Variants in TLE1 observed in about 807,000 individuals in gnomAD.
TLE1 encodes TLE family member 1, transcriptional corepressor, also known as transducin-like enhancer protein 1.
TLE1 carries 21 observed loss-of-function variants against 89.8 expected under a neutral mutation model. The observed-to-expected ratio is 0.23, with a 90% CI of 0.17 to 0.34. The LOEUF is 0.34. Ranked by LOEUF, TLE1 falls within the 10% of genes least tolerant of loss-of-function variation. The probability of loss-of-function intolerance (pLI) is 1.00; values close to 1 mark genes in which losing one functional copy is unlikely to be tolerated. For missense variants in TLE1, 795 were observed against 1,031.2 expected, an observed-to-expected ratio of 0.77 and a Z score of 3.14; for synonymous variants, 447 against 407.6, an observed-to-expected ratio of 1.10 and a Z score of -1.16.
chr9:81,634,478 GA>G (rs5898752), intron 6 of TLE1, among the ~76,000 whole-genome samples, 177 bp from the exon 7 acceptor site: 27,680 of 151,540 alleles, frequency 0.18, 3,136 homozygotes, highest in East Asian at 0.46. Flanking sequence ...GAGGAAAGGG[GA>G]AAAAATGCGA....
intron 4 of TLE1, among the ~76,000 whole-genome samples, chr9:81,683,873 T>G (rs1349016683): frequency 1.3e-5 from 2 of 152,154 alleles, no homozygotes; most frequent in Non-Finnish European, 2.9e-5. Context: ...CACACCATGG[T>G]GCTTCTGACC....
intron 17 of TLE1, among the ~76,000 whole-genome samples, chr9:81,586,609 C>T (rs927480207): frequency 7.2e-5 from 11 of 152,160 alleles, no homozygotes; most frequent in Non-Finnish European, 1.3e-4. Flanking sequence ...TGATATGCTG[C>T]TAGAGTTTAT....
At chr9:81,669,618 C>A (rs963466032) in intron 4 of TLE1, among the ~76,000 whole-genome samples, 2 of 152,130 alleles carry the variant, frequency 1.3e-5, no homozygotes, top group African/African-American at 4.8e-5. Flanking sequence ...ACCCTCCCCC[C>A]CCACACCAAA....
At chr9:81,643,604 A>C (rs1390742124) in intron 6 of TLE1, among the ~76,000 whole-genome samples, 1 of 150,730 alleles carries the variant, frequency 6.6e-6, no homozygotes, top group Non-Finnish European at 1.5e-5. Context: ...GCATGATTTT[A>C]TCTCATTGCA....
Position 81,685,835 on chromosome 9 carries a change from T to C in TLE1, c.187A>G (p.Met63Val), listed in dbSNP as rs1834200569. The C allele has an allele frequency of 1.6e-5, 26 of 1,613,988 alleles. No individual in the cohort carries two copies. The highest frequency in any genetic ancestry group is 2.1e-5 in the Non-Finnish European group (25 of 1,180,008). The part of the protein sequence containing the change: ...EKTEMQRHYV[M>V]YYEMSYGLNI... The stretch of plus-strand genomic sequence containing the variant: ...AAAGTCCAATCTTTGATACCTACCA[T>C]CACATAGTGCCTCTGCATTTCTGTC... Residue 63 changes from methionine (M) to valine (V), a missense_variant and splice_region_variant, in exon 3 of 20, where the codon ATG (methionine) becomes GTG (valine). Transcript: ENST00000376499.
chr9:81,590,280 G>A (rs942423186), intron 16 of TLE1, among the ~76,000 whole-genome samples: 2 of 152,224 alleles, frequency 1.3e-5, no homozygotes, highest in Non-Finnish European at 2.9e-5. Flanking sequence ...AGGCCAGGCA[G>A]AGCCCTGCGG....
intron 4 of TLE1, among the ~76,000 whole-genome samples, chr9:81,671,301 C>G (rs1472289392): frequency 1.3e-5 from 2 of 152,010 alleles, no homozygotes; most frequent in Non-Finnish European, 2.9e-5. Context: ...ATTGCTTGAG[C>G]CCTGGAGTTC....
chr9:81,678,643 C>T (rs555185634), intron 4 of TLE1, among the ~76,000 whole-genome samples: 5 of 152,102 alleles, frequency 3.3e-5, no homozygotes, highest in Non-Finnish European at 5.9e-5. Flanking sequence ...GGCAAAACTC[C>T]GTCTATACTA....
chr9:81,617,825 A>G (rs769286245), intron 9 of TLE1, among the ~76,000 whole-genome samples: 6 of 152,324 alleles, frequency 3.9e-5, no homozygotes, highest in Non-Finnish European at 8.8e-5. Flanking sequence ...GGAGCTCGAG[A>G]CCAGCCTGGA....
At chr9:81,599,670 G>A (rs528845413) in intron 14 of TLE1, among the ~76,000 whole-genome samples, 1 of 151,924 alleles carries the variant, frequency 6.6e-6, no homozygotes, top group South Asian at 2.1e-4. Flanking sequence ...TTTTTTTAAG[G>A]GTCTGCACAT....
chr9:81,589,120 A>G (rs977702003), intron 16 of TLE1, among the ~76,000 whole-genome samples: 1 of 151,826 alleles, frequency 6.6e-6, no homozygotes, highest in Non-Finnish European at 1.5e-5. Context: ...CCCACAGAAC[A>G]CCCAGGCCTG....
At chr9:81,617,117 G>T (rs576917667) in intron 9 of TLE1, among the ~76,000 whole-genome samples, 29 of 137,254 alleles carry the variant, frequency 2.1e-4, no homozygotes, top group African/African-American at 5.3e-4. Context: ...TTTTCCCATG[G>T]GATTACTAGT....
chr9:81,682,526 CAT>C (rs556407379), intron 4 of TLE1, among the ~76,000 whole-genome samples: 127 of 152,302 alleles, frequency 8.3e-4, no homozygotes, highest in African/African-American at 2.9e-3. Context: ...GAAAAGATAA[CAT>C]GAGTGGGCTA....
chr9:81,664,680 T>G (rs891610994), intron 4 of TLE1, among the ~76,000 whole-genome samples: 1 of 151,288 alleles, frequency 6.6e-6, no homozygotes, highest in African/African-American at 2.4e-5. Context: ...CTGGGCAACA[T>G]AGGGAAACTC....
chr9:81,625,099 T>C (rs906132272), intron 8 of TLE1, among the ~76,000 whole-genome samples: 1 of 152,090 alleles, frequency 6.6e-6, no homozygotes, highest in African/African-American at 2.4e-5. Flanking sequence ...AACTTTTATA[T>C]AGAAAGTACT....
At chr9:81,644,038 C>T (rs1013086086) in intron 6 of TLE1, among the ~76,000 whole-genome samples, 3 of 152,098 alleles carry the variant, frequency 2.0e-5, no homozygotes, top group South Asian at 2.1e-4. Context: ...AAATCAAAAA[C>T]GGGAGATGCG....
At chr9:81,667,586 A>G (rs1036167260) in intron 4 of TLE1, among the ~76,000 whole-genome samples, 4 of 152,016 alleles carry the variant, frequency 2.6e-5, no homozygotes, top group African/African-American at 9.7e-5. Flanking sequence ...AGCTCTCTAC[A>G]AGGAGATCTA....
chr9:81,632,183 T>C (rs1826721154), intron 8 of TLE1, among the ~76,000 whole-genome samples: 1 of 152,178 alleles, frequency 6.6e-6, no homozygotes, highest in East Asian at 1.9e-4. Context: ...CTGTACTCTG[T>C]GTGTAGAATA....
Position 81,632,474 on chromosome 9 carries a change from CCTTT to C in TLE1, c.594+870_594+873del, listed in dbSNP as rs1430327167. ...TTATCAGATTTAAATGTTCAGTATC[CCTTT>C]TTTTTTTTTTTTTTTTTTACCATAT... On this transcript the variant is annotated intron_variant, in intron 8 of 19. Coordinates refer to ENST00000376499, the MANE Select transcript of TLE1 (RefSeq NM_005077.5). Among the ~76,000 whole-genome samples the C allele has an allele frequency of 4.4e-3, 325 of 73,396 alleles. 2 individuals carry two copies. Among genetic ancestry groups the C allele is most frequent in the East Asian group, 0.016 (45 of 2,880 alleles). The allele number at this position is 73,396 out of a possible 152,430, so 48.2% of individuals were successfully genotyped here.
Sources: gnomAD v4.1 joint callset for allele counts (sites outside exome capture counted in the v4.1 genomes callset) on GRCh38, gnomAD v4.1.1 for gene constraint, MANE v1.5 for transcripts, NCBI Gene and HGNC (gene_info 2026-07-23, HGNC 2026-07-21) for gene names.